The following SYNPO variants were observed in gnomAD, a reference collection of about 807,000 sequenced individuals.
The protein encoded by SYNPO is synaptopodin.
In SYNPO, 19 loss-of-function variants were observed where a neutral mutation model predicts 49.5. That is an observed-to-expected ratio of 0.38 (90% CI 0.27 to 0.56). The LOEUF is 0.56. SYNPO is among the 20% of genes least tolerant of loss of function. The pLI is 0.68. For synonymous variants in SYNPO, 536 were observed against 548.0 expected (o/e 0.98, Z 0.31); for missense variants, 1,131 against 1,248.3 (o/e 0.91, Z 1.42).
chr5:150,611,554 C>A (rs1444324808), intron 1 of SYNPO, among the ~76,000 whole-genome samples: 2 of 152,210 alleles, frequency 1.3e-5, no homozygotes, highest in East Asian at 3.8e-4. Flanking sequence ...GGGCTCCCCC[C>A]AGCTCCACCT....
chr5:150,605,556 G>A (rs79807434), intron 1 of SYNPO, among the ~76,000 whole-genome samples: 3,258 of 152,180 alleles, frequency 0.021, 123 homozygotes, highest in African/African-American at 0.074. Flanking sequence ...GTACTTACCC[G>A]GACAGGGCCT....
At chr5:150,613,175 T>G (rs1756896124) in intron 1 of SYNPO, among the ~76,000 whole-genome samples, 2 of 152,186 alleles carry the variant, frequency 1.3e-5, no homozygotes, top group African/African-American at 4.8e-5. Context: ...AGCCCTTTTT[T>G]CAGTCCCATG....
At chr5:150,603,285 C>A (rs1443825754) in intron 1 of SYNPO, among the ~76,000 whole-genome samples, 1 of 152,234 alleles carries the variant, frequency 6.6e-6, no homozygotes, top group African/African-American at 2.4e-5. Context: ...CCATTCAGCT[C>A]TGGCTCCCAG....
chr5:150,657,108 C>G lies in SYNPO; in HGVS notation c.*21C>G. 1 of 1,548,638 alleles carries G rather than the reference C, an allele frequency of 6.5e-7. No individual in the cohort carries two copies. ...CCTAGAGCCCCACCCCCGACCCCAC[C>G]CCGGGAGGGCAGAGCCAGAAGAAGG... is the stretch of plus-strand genomic sequence containing the variant. On this transcript the variant is annotated 3_prime_UTR_variant, in exon 3 of 3. Coordinates refer to ENST00000307662, the MANE Select transcript of SYNPO (RefSeq NM_007286.6).
intron 2 of SYNPO, among the ~76,000 whole-genome samples, chr5:150,629,026 G>A (rs1414848586): frequency 6.6e-6 from 1 of 152,128 alleles, no homozygotes; most frequent in African/African-American, 2.4e-5. Flanking sequence ...GTTTGGTTGG[G>A]TTGTTTGTTT....
chr5:150,603,486 C>T lies in SYNPO; in HGVS notation c.-266+2298C>T, dbSNP rs533467336. On this transcript the variant is annotated intron_variant, in intron 1 of 2. Transcript: ENST00000394243. ...CCCTTTCTGCTAGATTTGCTGTTGCCGTTAGTGTTACTTGTGACCACAGTT... is the reference window on the plus strand; with the variant it reads ...CCCTTTCTGCTAGATTTGCTGTTGCTGTTAGTGTTACTTGTGACCACAGTT... 5.3e-5 allele frequency among the ~76,000 whole-genome samples: 8 copies of T among 152,372 alleles called. No individual in the cohort carries two copies. In the South Asian group the frequency reaches 8.3e-4, roughly 16 times the overall value.
At chr5:150,620,952 T>TTCTTTCTTTTCTA in intron 2 of SYNPO, among the ~76,000 whole-genome samples, 1 of 144,506 alleles carries the variant, frequency 6.9e-6, no homozygotes, top group Non-Finnish European at 1.5e-5. Flanking sequence ...TTTCTTTTCT[T>TTCTTTCTTTTCTA]TTCTTTTTTT....
chr5:150,601,670 TG>T (rs1354132152), intron 1 of SYNPO, among the ~76,000 whole-genome samples: 1 of 152,180 alleles, frequency 6.6e-6, no homozygotes, highest in Non-Finnish European at 1.5e-5. Flanking sequence ...GCCTAAGTCC[TG>T]GGCACACTCC....
intron 2 of SYNPO, among the ~76,000 whole-genome samples, chr5:150,618,953 C>T (rs1327000434): frequency 2.0e-5 from 3 of 152,092 alleles, no homozygotes; most frequent in Non-Finnish European, 4.4e-5. Context: ...GTTCCAGCTG[C>T]ACCACATCTA....
the SYNPO span, among the ~76,000 whole-genome samples, chr5:150,594,554 T>C: frequency 6.6e-6 from 1 of 152,112 alleles, no homozygotes; most frequent in Non-Finnish European, 1.5e-5. Context: ...TTTGTCAAAT[T>C]CCTTCCCCTC....
At chr5:150,587,080 A>G in the SYNPO span, among the ~76,000 whole-genome samples, 1 of 152,172 alleles carries the variant, frequency 6.6e-6, no homozygotes, top group Non-Finnish European at 1.5e-5. Flanking sequence ...ATATGGATAC[A>G]TGGATGAATA....
chr5:150,619,182 C>A (rs10068577), intron 2 of SYNPO, among the ~76,000 whole-genome samples: 11,578 of 152,016 alleles, frequency 0.076, 1,008 homozygotes, highest in East Asian at 0.27. Context: ...GTGCTGGGGA[C>A]GCGGCACTGG....
chr5:150,657,061 C>CGGCTCAAG lies in SYNPO; in HGVS notation c.2686_2687insGGCTCAAG (p.Pro896ArgfsTer46). 1 of 1,596,846 alleles carries CGGCTCAAG rather than the reference C, an allele frequency of 6.3e-7. No individual in the cohort carries two copies. The highest frequency in any genetic ancestry group is 8.5e-7 in the Non-Finnish European group (1 of 1,172,990). On this transcript the variant is annotated frameshift_variant, in exon 3 of 3. Transcript: ENST00000307662. LOFTEE classifies it high-confidence loss of function. ...CCTTCGGCTCAAGCGTGGCAGCCTC[C>CGGCTCAAG]CCGCCGAGGCCTCCTGCACCACCTA... is the stretch of plus-strand genomic sequence containing the variant.
rs1404037455 is a variant in SYNPO, at chr5:150,651,934, C to G, written c.2028+1631C>G. 4.0e-6 allele frequency: 4 copies of G among 1,000,368 alleles called. No individual in the cohort carries two copies. The African/African-American group carries it at 7.0e-5, about 17-fold the overall frequency. 62.0% of individuals were successfully genotyped at this position (1,000,368 alleles called of 1,614,324 possible). On this transcript the variant is annotated intron_variant, in intron 2 of 2. Coordinates refer to ENST00000307662, the MANE Select transcript of SYNPO (RefSeq NM_007286.6). ...ACAAGTGGCAGGATTCAGATGGAAG[C>G]TTCGCAAGGCTGGGGGCCGAGGACC...
chr5:150,614,521 A>C (rs1756933010), intron 1 of SYNPO: 1 of 152,276 alleles, frequency 6.6e-6, no homozygotes, highest in Non-Finnish European at 1.5e-5. Context: ...GCTAGAGTCT[A>C]AGGGTCTGGG....
At chr5:150,586,391 G>A in the SYNPO span, among the ~76,000 whole-genome samples, 4 of 152,294 alleles carry the variant, frequency 2.6e-5, no homozygotes, top group African/African-American at 4.8e-5. Context: ...CTCATCTTTC[G>A]GGTCTTAGCT....
intron 2 of SYNPO, among the ~76,000 whole-genome samples, chr5:150,619,880 G>A (rs1469268185): frequency 6.6e-6 from 1 of 152,044 alleles, no homozygotes; most frequent in African/African-American, 2.4e-5. Context: ...CACACAGGGG[G>A]CTGGGCAGGA....
chr5:150,630,238 G>T (rs1757492379), intron 2 of SYNPO, among the ~76,000 whole-genome samples: 1 of 152,208 alleles, frequency 6.6e-6, no homozygotes, highest in African/African-American at 2.4e-5. Flanking sequence ...GCTCCTAAGT[G>T]CTTGAGTTGT....
intron 2 of SYNPO, among the ~76,000 whole-genome samples, chr5:150,620,899 C>CTTTTTCTTTCTTTCTTTCTTTCTTTCTT (rs1014762340): frequency 3.7e-5 from 4 of 108,866 alleles, no homozygotes; most frequent in South Asian, 3.7e-4. Flanking sequence ...TTCTTTTTTT[C>CTTTTTCTTTCTTTCTTTCTTTCTTTCTT]TCTTTCTTTC....
Sources: gnomAD v4.1 joint callset for allele counts (sites outside exome capture counted in the v4.1 genomes callset) on GRCh38, gnomAD v4.1.1 for gene constraint, MANE v1.5 for transcripts, NCBI Gene and HGNC (gene_info 2026-07-23, HGNC 2026-07-21) for gene names.